Variants in DNMT3B observed in about 807,000 individuals in gnomAD.
DNMT3B encodes the protein DNA methyltransferase 3 beta.
DNMT3B carries 37 observed loss-of-function variants against 120.2 expected under a neutral mutation model. The observed-to-expected ratio is 0.31, with a 90% CI of 0.24 to 0.40. The LOEUF is 0.40. DNMT3B is among the 10% of genes least tolerant of loss of function. The pLI is 1.00. For synonymous variants in DNMT3B, 412 were observed against 442.8 expected, an observed-to-expected ratio of 0.93 and a Z score of 0.87; for missense variants, 878 against 1,137.3, an observed-to-expected ratio of 0.77 and a Z score of 3.28.
At chr20:32,770,590 A>G (rs1174954299) in intron 1 of DNMT3B, among the ~76,000 whole-genome samples, 1 of 149,058 alleles carries the variant, frequency 6.7e-6, no homozygotes, top group East Asian at 2.0e-4. Flanking sequence ...TATAGGCTTG[A>G]GCCACCATGC....
chr20:32,778,959 GAT>G (rs1568828341), intron 1 of DNMT3B, among the ~76,000 whole-genome samples: 1 of 151,982 alleles, frequency 6.6e-6, no homozygotes, highest in East Asian at 1.9e-4. Flanking sequence ...TGGATGGATG[GAT>G]GGATGGATGG....
intron 1 of DNMT3B, among the ~76,000 whole-genome samples, chr20:32,769,420 A>G (rs1001883549): frequency 2.0e-5 from 3 of 152,178 alleles, no homozygotes; most frequent in Admixed American, 1.3e-4. Context: ...AACCTCTGCC[A>G]GCACATGGCT....
chr20:32,770,909 G>T (rs559278596), intron 1 of DNMT3B, among the ~76,000 whole-genome samples: 7 of 152,206 alleles, frequency 4.6e-5, no homozygotes, highest in South Asian at 2.1e-4. Flanking sequence ...ACCATGCCCG[G>T]CCTAAATTTT....
chr20:32,787,246 C>G lies in DNMT3B; in HGVS notation c.449C>G (p.Ala150Gly), dbSNP rs2145948718. The G allele has an allele frequency of 1.2e-6, 2 of 1,614,258 alleles. No homozygotes were observed. Among genetic ancestry groups the G allele is most frequent in the Non-Finnish European group, 1.7e-6 (2 of 1,180,048 alleles). The change falls in exon 6 of 23, where the codon GCA (alanine) becomes GGA (glycine). Residue 150 changes from alanine (A) to glycine (G), a missense_variant. Physicochemically the swap from Ala to Gly is moderately conservative, Grantham distance 60. Around this residue, in one of 4 missense-constraint regions of DNMT3B, gnomAD observed 287 missense variants for 306.2 expected, o/e 0.94. Transcript: ENST00000328111. ...TGTCCACAGTCCCTGAGACGGCGGGCAACAGCATCGGCAGGAACGCCATGG... is the reference window on the plus strand; with the variant it reads ...TGTCCACAGTCCCTGAGACGGCGGGGAACAGCATCGGCAGGAACGCCATGG... ...FPATRSLRRR[A>G]TASAGTPWPS... is the part of the protein sequence containing the mutation.
At chr20:32,765,714 C>G (rs1425003064) in intron 1 of DNMT3B, among the ~76,000 whole-genome samples, 1 of 149,350 alleles carries the variant, frequency 6.7e-6, no homozygotes, top group East Asian at 2.0e-4. Context: ...GCTGTTACAC[C>G]CGGCTGCTTT....
At chr20:32,807,595 T>G (rs927245163) in intron 22 of DNMT3B, among the ~76,000 whole-genome samples, 167 bp from the exon 23 acceptor site, 1 of 152,154 alleles carries the variant, frequency 6.6e-6, no homozygotes, top group African/African-American at 2.4e-5. Context: ...TGTGAGCAAT[T>G]TGTAAGCAAG....
At chr20:32,763,610 G>A (rs1274027381) in intron 1 of DNMT3B, among the ~76,000 whole-genome samples, 3 of 152,184 alleles carry the variant, frequency 2.0e-5, no homozygotes, top group Non-Finnish European at 4.4e-5. Context: ...AGGGTGTATT[G>A]AGCTCCACTT....
At chr20:32,762,821 A>G (rs1738114088) in intron 1 of DNMT3B, 122 bp downstream of exon 1, 1 of 151,892 alleles carries the variant, frequency 6.6e-6, no homozygotes, top group Non-Finnish European at 1.5e-5. Flanking sequence ...CCTCCCGAGG[A>G]GGGGCTCTCG....
chr20:32,783,301 T>C (rs1187954181), intron 3 of DNMT3B, among the ~76,000 whole-genome samples: 3 of 152,188 alleles, frequency 2.0e-5, no homozygotes, highest in Admixed American at 2.0e-4. Flanking sequence ...TTTTACAAGC[T>C]GGAAGAAACT....
chr20:32,781,183 T>A (rs1978578935), intron 2 of DNMT3B, among the ~76,000 whole-genome samples, 170 bp from the exon 3 acceptor site: 1 of 152,086 alleles, frequency 6.6e-6, no homozygotes, highest in South Asian at 2.1e-4. Flanking sequence ...AGGAATAAAA[T>A]CAGTGGAGAA....
intron 20 of DNMT3B, among the ~76,000 whole-genome samples, chr20:32,803,539 G>A (rs1981610853): frequency 1.3e-5 from 2 of 152,198 alleles, no homozygotes; most frequent in African/African-American, 2.4e-5. Context: ...GCACTGTTAC[G>A]CTGTTGCCAT....
rs1400203123 is a variant in DNMT3B at position 32,796,675 on chromosome 20, G to A, written c.1298-115G>A. 4.4e-6 allele frequency: 5 copies of A among 1,137,788 alleles called. No individual in the cohort carries two copies. In the East Asian group the frequency reaches 1.2e-4, roughly 27 times the overall value. 70.5% of individuals were successfully genotyped at this position (1,137,788 alleles called of 1,614,324 possible). A position where few individuals can be genotyped will look rare whatever the true frequency, so the allele number is the denominator to read the frequency against. On this transcript the variant is annotated intron_variant, in intron 12 of 22. Transcript: ENST00000328111. ...TGAGGCATGGCCTGAGGTGCAAAGA[G>A]TCCTTGGCAAGCTGCTGGCCTGGAG...
intron 1 of DNMT3B, among the ~76,000 whole-genome samples, chr20:32,763,438 T>A (rs2145823802): frequency 6.6e-6 from 1 of 152,258 alleles, no homozygotes; most frequent in South Asian, 2.1e-4. Context: ...GGGCGGCGCC[T>A]CCCTGTCCCG....
intron 1 of DNMT3B, among the ~76,000 whole-genome samples, chr20:32,768,411 C>T (rs1323061169): frequency 6.6e-6 from 1 of 152,040 alleles, no homozygotes. Context: ...AGGCTGGTCT[C>T]GAATTCCCCA....
At position 32,802,484 on chromosome 20, in the gene DNMT3B, C is replaced by G; in HGVS notation, c.2231+14C>G. On this transcript the variant is annotated intron_variant, in intron 20 of 22. Transcript: ENST00000328111. ...CGGGATGAACAGGTAACAAAGGGCT[C>G]TTAGTGGGTCAGGTAACAGCCAAGT... The G allele has an allele frequency of 6.2e-7, 1 of 1,613,472 alleles. No individual in the cohort carries two copies. The highest frequency in any genetic ancestry group is 1.1e-5 in the South Asian group (1 of 91,066).
chr20:32,787,328 A>T lies in DNMT3B; in HGVS notation c.531A>T (p.Thr177=), dbSNP rs748740949. 6.2e-7 allele frequency: 1 copy of T among 1,614,226 alleles called. No individual in the cohort carries two copies. Among genetic ancestry groups the T allele is most frequent in the South Asian group, 1.1e-5 (1 of 91,090 alleles). The change falls in exon 6 of 23, where the codon ACA becomes ACT. Residue 177 remains threonine, a synonymous_variant. Coordinates refer to ENST00000328111, the MANE Select transcript of DNMT3B (RefSeq NM_006892.4). ...ACCTCACAGACGACACAGAGGACAC[A>T]CATGGGACGCCCCAGAGCAGCAGTA... ...TIDLTDDTED[T]HGTPQSSSTP...
chr20:32,786,337 G>T lies in DNMT3B; in HGVS notation c.307-165G>T, dbSNP rs184164431. On this transcript the variant is annotated intron_variant, in intron 4 of 22. Transcript: ENST00000328111. Reference sequence around the variant, plus strand: ...CTATTCCAAGAACTGGGGAATTCTGGCTGGACTCAGTCCAGAGTCCCACCT... The same window carrying T: ...CTATTCCAAGAACTGGGGAATTCTGTCTGGACTCAGTCCAGAGTCCCACCT... 2.0e-5 allele frequency among the ~76,000 whole-genome samples: 3 copies of T among 152,324 alleles called. No individual in the cohort carries two copies. In the East Asian group the frequency reaches 5.8e-4, roughly 29 times the overall value.
intron 9 of DNMT3B, 131 bp from the exon 10 acceptor site, chr20:32,793,404 GT>G (rs1980218511): frequency 1.0e-6 from 1 of 1,004,718 alleles, no homozygotes; most frequent in Non-Finnish European, 1.5e-6. Flanking sequence ...GGAGGCAGAG[GT>G]TGCAGTGCGC....
At chr20:32,805,247 ATC>A (rs1981834050) in intron 20 of DNMT3B, 89 bp from the exon 21 acceptor site, 1 of 1,479,784 alleles carries the variant, frequency 6.8e-7, no homozygotes, top group Non-Finnish European at 9.5e-7. Context: ...GCCAGGGCAC[ATC>A]TCTGCAACAT....
Sources: gnomAD v4.1 joint callset for allele counts (sites outside exome capture counted in the v4.1 genomes callset) on GRCh38, gnomAD v4.1.1 for gene constraint, gnomAD v4.1.1 regional missense constraint, MANE v1.5 for transcripts, NCBI Gene and HGNC (gene_info 2026-07-23, HGNC 2026-07-21) for gene names.